The following KDM4B variants were observed in gnomAD, a reference collection of about 807,000 sequenced individuals.
KDM4B encodes lysine-specific demethylase 4B.
Under a neutral mutation model 125.2 loss-of-function variants are expected in KDM4B, and 32 were observed. The ratio of observed to expected loss-of-function variants is 0.26; its 90% confidence interval spans 0.19 to 0.34. KDM4B has a LOEUF of 0.34. Among genes scored for constraint, KDM4B ranks in the 10% least tolerant of loss-of-function variants. The pLI is 1.00. For synonymous variants in KDM4B, 721 were observed against 677.9 expected (o/e 1.06, Z -0.99); for missense variants, 1,190 against 1,577.7 (o/e 0.75, Z 4.16).
chr19:5,091,310 T>C (rs1200370076), intron 9 of KDM4B, among the ~76,000 whole-genome samples: 1 of 152,180 alleles, frequency 6.6e-6, no homozygotes, highest in African/African-American at 2.4e-5. Context: ...GCTGGAAGGC[T>C]GGGGAGCCAC....
chr19:5,016,030 G>A (rs980439904), intron 1 of KDM4B, among the ~76,000 whole-genome samples: 2 of 152,306 alleles, frequency 1.3e-5, no homozygotes, highest in African/African-American at 2.4e-5. Context: ...GCCTTGGCCC[G>A]TAGATTTTAG....
chr19:5,053,074 T>G (rs1171082783), intron 6 of KDM4B, among the ~76,000 whole-genome samples: 1 of 152,216 alleles, frequency 6.6e-6, no homozygotes, highest in Non-Finnish European at 1.5e-5. Flanking sequence ...AGCTGAGCAC[T>G]GGGTTGAAAT....
chr19:5,137,051 C>G (rs1326323050), intron 15 of KDM4B, among the ~76,000 whole-genome samples: 1 of 152,228 alleles, frequency 6.6e-6, no homozygotes, highest in African/African-American at 2.4e-5. Context: ...AGCTTCCAGA[C>G]CTTTCTCTCG....
At position 5,081,470 on chromosome 19, in the gene KDM4B, C is replaced by T. The variant is rs570159174; in HGVS notation, c.781-897C>T. Among the ~76,000 whole-genome samples, 10 of 152,306 alleles carry T rather than the reference C, an allele frequency of 6.6e-5. No homozygotes were observed. The highest frequency in any genetic ancestry group is 2.4e-4 in the African/African-American group (10 of 41,568). The stretch of plus-strand genomic sequence containing the variant: ...CCCCAGCCCTGGTAGGCAGCCCTGC[C>T]TTTTCTTCCAGACCTTGGGGTGGCT... On this transcript the variant is annotated intron_variant, in intron 8 of 22. Transcript: ENST00000159111. The surrounding 1 kb of genome is among the most constrained non-coding windows in gnomAD (Gnocchi z 4.2).
intron 18 of KDM4B, among the ~76,000 whole-genome samples, chr19:5,143,261 C>T (rs372473795): frequency 1.2e-4 from 18 of 151,292 alleles, no homozygotes; most frequent in African/African-American, 3.4e-4. Context: ...AGTTGGAGAC[C>T]GCAGTGAGCT....
intron 6 of KDM4B, among the ~76,000 whole-genome samples, chr19:5,070,110 G>A (rs2037899457): frequency 1.3e-5 from 2 of 152,166 alleles, no homozygotes; most frequent in South Asian, 2.1e-4. Flanking sequence ...AGTTGGGGTC[G>A]AGGATGGGAC....
chr19:4,974,389 G>A (rs1229891435), intron 1 of KDM4B, among the ~76,000 whole-genome samples: 2 of 151,876 alleles, frequency 1.3e-5, no homozygotes, highest in Non-Finnish European at 2.9e-5. Context: ...GCGACAGAGC[G>A]AGACTCCATC....
intron 10 of KDM4B, chr19:5,111,856 C>T (rs8101595): frequency 0.064 from 48,547 of 763,694 alleles, 1,895 homozygotes; most frequent in Admixed American, 0.12. Context: ...AAGAAATGCG[C>T]GTGGCTGTGT....
At chr19:5,093,328 C>T (rs1315291805) in intron 9 of KDM4B, among the ~76,000 whole-genome samples, 6 of 152,168 alleles carry the variant, frequency 3.9e-5, no homozygotes, top group East Asian at 1.9e-4. Context: ...GTGTGGGCAG[C>T]ATGGAAGGCT....
At position 5,106,847 on chromosome 19, in the gene KDM4B, G is replaced by A. The variant is rs907628583; in HGVS notation, c.919-3775G>A. 1.4e-4 allele frequency among the ~76,000 whole-genome samples: 22 copies of A among 152,226 alleles called. 1 individual carries two copies. Among genetic ancestry groups the A allele is most frequent in the African/African-American group, 5.3e-4 (22 of 41,462 alleles). On this transcript the variant is annotated intron_variant, in intron 9 of 22. Transcript: ENST00000159111. ...ATGGGTTCCAGCCCAGCCCAGAGCA[G>A]TGAGACCAGGATCTTAGGACTGGGG...
chr19:4,997,271 A>G lies in KDM4B; in HGVS notation c.-108-18986A>G, dbSNP rs745994966. 1.3e-5 allele frequency among the ~76,000 whole-genome samples: 2 copies of G among 151,970 alleles called. No individual in the cohort carries two copies. Among genetic ancestry groups the G allele is most frequent in the East Asian group, 1.9e-4 (1 of 5,188 alleles). On this transcript the variant is annotated intron_variant, in intron 1 of 22. Coordinates refer to ENST00000159111, the MANE Select transcript of KDM4B (RefSeq NM_015015.3). This position sits in a 1 kb window ranked among gnomAD's most constrained non-coding sequence, Gnocchi z 4.2. ...AGTTTTATTTTTGGTGCGTTGTTAC[A>G]TAGGATGTTTTCAAGTTGCCTGATG...
intron 18 of KDM4B, 109 bp from the exon 19 acceptor site, chr19:5,143,858 C>A: frequency 1.1e-6 from 1 of 891,198 alleles, no homozygotes; most frequent in African/African-American, 1.7e-5. Flanking sequence ...CGCAGGGCCA[C>A]TCCCGCGATG....
chr19:4,975,325 T>TA (rs2145291467), intron 1 of KDM4B, among the ~76,000 whole-genome samples: 1 of 152,300 alleles, frequency 6.6e-6, no homozygotes, highest in East Asian at 1.9e-4. Context: ...CGTGCAATTT[T>TA]TACATTATAA....
At chr19:5,119,025 G>A (rs2039308973) in intron 10 of KDM4B, 1 of 709,438 alleles carries the variant, frequency 1.4e-6, no homozygotes, top group Non-Finnish European at 2.4e-6. Flanking sequence ...GAGGACCCAG[G>A]GAGTTGGGGA....
chr19:5,146,407 T>TC (rs1460392318), intron 21 of KDM4B, among the ~76,000 whole-genome samples: 2 of 152,234 alleles, frequency 1.3e-5, no homozygotes, highest in Admixed American at 6.5e-5. Flanking sequence ...GGACAAGCCA[T>TC]CCCCATGGCC....
rs996504315 is a variant in KDM4B at position 5,115,933 on chromosome 19, A to G, written c.1116-3720A>G. Among the ~76,000 whole-genome samples, 2 of 152,214 alleles carry G rather than the reference A, an allele frequency of 1.3e-5. No individual in the cohort carries two copies. Among genetic ancestry groups the G allele is most frequent in the African/African-American group, 4.8e-5 (2 of 41,460 alleles). On this transcript the variant is annotated intron_variant, in intron 10 of 22. Transcript: ENST00000159111. The surrounding 1 kb of genome is among the most constrained non-coding windows in gnomAD (Gnocchi z 4.2). ...AGCCCCTGATAGGAGTTTCAGAAAA[A>G]GAAAAGTGTCCCGGGACCCAAAGGC...
In KDM4B at chr19:5,131,919, G is replaced by C; in HGVS notation, c.1818G>C (p.Glu606Asp). ...APSTFSKLKM[E>D]IKKSRRHPLG... ...CCACATTTTCCAAATTGAAGATGGAGATCAAGAAGAGCCGGCGCCATCCCC... is the reference window on the plus strand; with the variant it reads ...CCACATTTTCCAAATTGAAGATGGACATCAAGAAGAGCCGGCGCCATCCCC... Residue 606 changes from glutamate (E) to aspartate (D), a missense_variant, in exon 13 of 23, where the codon GAG becomes GAC. Glu to Asp is a conservative substitution (Grantham distance 45, BLOSUM62 2). Coordinates refer to ENST00000159111, the MANE Select transcript of KDM4B (RefSeq NM_015015.3). 1 of 1,612,814 alleles carries C rather than the reference G, an allele frequency of 6.2e-7. No individual in the cohort carries two copies. The highest frequency in any genetic ancestry group is 8.5e-7 in the Non-Finnish European group (1 of 1,179,880).
At position 5,151,310 on chromosome 19, in the gene KDM4B, C is replaced by T. The variant is rs2039943063; in HGVS notation, c.3115-25C>T. On this transcript the variant is annotated intron_variant, in intron 22 of 22. Coordinates refer to ENST00000159111, the MANE Select transcript of KDM4B (RefSeq NM_015015.3). ...GCACAGAGTGTCTCCACCGTGCTAA[C>T]CACTGTGCTTCCGCTCTCCCGCAGT... 4.1e-6 allele frequency: 6 copies of T among 1,479,412 alleles called. No individual in the cohort carries two copies. In the African/African-American group the frequency reaches 9.7e-5, roughly 24 times the overall value. 91.6% of individuals were successfully genotyped at this position (1,479,412 alleles called of 1,614,324 possible).
At chr19:5,121,991 C>T (rs1367301723) in intron 11 of KDM4B, among the ~76,000 whole-genome samples, 1 of 152,146 alleles carries the variant, frequency 6.6e-6, no homozygotes, top group Non-Finnish European at 1.5e-5. Context: ...TCCCCCTGTC[C>T]ACGCTGCGGC....
Sources: allele counts gnomAD v4.1 joint callset (sites outside exome capture counted in the v4.1 genomes callset), GRCh38; gene constraint gnomAD v4.1.1; non-coding constraint Gnocchi (gnomAD v3.1); transcripts MANE v1.5; gene names NCBI Gene and HGNC (gene_info 2026-07-23, HGNC 2026-07-21).